The following UNC5C variants were observed in gnomAD, a reference collection of about 807,000 sequenced individuals.
UNC5C encodes unc-5 netrin receptor C.
A neutral mutation model predicts 99.8 loss-of-function variants in UNC5C; 47 were observed. That is an observed-to-expected ratio of 0.47 (90% CI 0.37 to 0.60). The LOEUF is 0.60. UNC5C is among the 20% of genes least tolerant of loss of function. The probability of loss-of-function intolerance (pLI) is 0.00; values close to 1 mark genes in which losing one functional copy is unlikely to be tolerated. For missense variants in UNC5C, 1,062 were observed against 1,165.9 expected (o/e 0.91, Z 1.30); for synonymous variants, 487 against 452.2 (o/e 1.08, Z -0.98).
At chr4:95,471,445 A>G (rs1347081653) in intron 1 of UNC5C, among the ~76,000 whole-genome samples, 1 of 152,132 alleles carries the variant, frequency 6.6e-6, no homozygotes, top group African/African-American at 2.4e-5. Context: ...ATCACAGCAG[A>G]GAAAATTAGC....
Position 95,165,918 on chromosome 4 carries a change from T to G in UNC5C, c.*3316A>C, listed in dbSNP as rs1735841302. On this transcript the variant is annotated 3_prime_UTR_variant, in exon 16 of 16. Transcript: ENST00000453304. Reference sequence around the variant, plus strand: ...TATGTTGTGTATGAATGAGTTGATGTACTGGGCTCACAGTGACCTAATATT... The same window carrying G: ...TATGTTGTGTATGAATGAGTTGATGGACTGGGCTCACAGTGACCTAATATT... 1 of 152,220 alleles carries G rather than the reference T, an allele frequency of 6.6e-6. No homozygotes were observed. Among genetic ancestry groups the G allele is most frequent in the South Asian group, 2.1e-4 (1 of 4,834 alleles). 9.4% of individuals were successfully genotyped at this position (152,220 alleles called of 1,614,324 possible). A position where few individuals can be genotyped will look rare whatever the true frequency, so the allele number is the denominator to read the frequency against.
At chr4:95,197,095 A>T (rs1737457784) in intron 12 of UNC5C, among the ~76,000 whole-genome samples, 2 of 128,600 alleles carry the variant, frequency 1.6e-5, no homozygotes, top group Non-Finnish European at 3.1e-5. Flanking sequence ...AATATATAAT[A>T]TTTATATATT....
At chr4:95,257,729 T>G (rs897711452) in intron 4 of UNC5C, among the ~76,000 whole-genome samples, 1 of 152,204 alleles carries the variant, frequency 6.6e-6, no homozygotes, top group Admixed American at 6.5e-5. Flanking sequence ...ATGAACAAAG[T>G]GAGTTTTTCT....
rs1309097297 is a variant in UNC5C, at chr4:95,168,934, T to A, written c.*300A>T. ...ATATCTGGATAGCAATAAAAAGCGT[T>A]TCCTAGGAAACTGTAAGATCCTGTA... is the stretch of plus-strand genomic sequence containing the variant. On this transcript the variant is annotated 3_prime_UTR_variant, in exon 16 of 16. Coordinates refer to ENST00000453304, the MANE Select transcript of UNC5C (RefSeq NM_003728.4). 1.1e-5 allele frequency: 3 copies of A among 272,874 alleles called. No individual in the cohort carries two copies. Among genetic ancestry groups the A allele is most frequent in the Non-Finnish European group, 2.1e-5 (3 of 144,306 alleles). The allele number at this position is 272,874 out of a possible 1,614,324, so 16.9% of individuals were successfully genotyped here. A position where few individuals can be genotyped will look rare whatever the true frequency, so the allele number is the denominator to read the frequency against.
chr4:95,235,724 C>A (rs1739085954), intron 7 of UNC5C, among the ~76,000 whole-genome samples: 1 of 152,160 alleles, frequency 6.6e-6, no homozygotes, highest in South Asian at 2.1e-4. Flanking sequence ...TTCCCAGCAC[C>A]ATTTGTTAAA....
At chr4:95,388,307 A>G (rs1288980122) in intron 1 of UNC5C, among the ~76,000 whole-genome samples, 2 of 152,240 alleles carry the variant, frequency 1.3e-5, no homozygotes, top group African/African-American at 4.8e-5. Flanking sequence ...CTGATCTATT[A>G]CTCATAGAAT....
chr4:95,284,314 T>C (rs1300686014), intron 3 of UNC5C, among the ~76,000 whole-genome samples: 1 of 152,202 alleles, frequency 6.6e-6, no homozygotes, highest in African/African-American at 2.4e-5. Context: ...AATTACTAGA[T>C]AATTCTGAAG....
chr4:95,266,700 T>C (rs1740460015), intron 4 of UNC5C, among the ~76,000 whole-genome samples: 1 of 152,210 alleles, frequency 6.6e-6, no homozygotes, highest in South Asian at 2.1e-4. Context: ...CCATAATTTC[T>C]TTTGAGTAGC....
At chr4:95,339,927 C>A (rs1465525793) in intron 1 of UNC5C, among the ~76,000 whole-genome samples, 1 of 152,100 alleles carries the variant, frequency 6.6e-6, no homozygotes, top group Non-Finnish European at 1.5e-5. Flanking sequence ...TTACCCTCCT[C>A]TGATATTTGA....
At position 95,548,745 on chromosome 4, in the gene UNC5C, G is replaced by A. The variant is rs774061111; in HGVS notation, c.113C>T (p.Ser38Phe). Residue 38 changes from serine to phenylalanine, a missense_variant, in exon 1 of 16, where the codon TCC becomes TTC. By Grantham distance (155) the Ser-to-Phe change is radical. Transcript: ENST00000453304. ...LALLSASGTG[S>F]AAQDDDFFHE... ...GCGGACCCCCTTACCTTGGGCGGCG[G>A]AGCCAGTGCCGCTGGCGCTGAGCAG... 1.2e-6 allele frequency: 2 copies of A among 1,612,732 alleles called. No homozygotes were observed. The highest frequency in any genetic ancestry group is 1.7e-5 in the Admixed American group (1 of 59,980).
chr4:95,333,271 C>G (rs982702051), intron 2 of UNC5C, among the ~76,000 whole-genome samples: 3 of 152,054 alleles, frequency 2.0e-5, no homozygotes, highest in Non-Finnish European at 4.4e-5. Flanking sequence ...CACATGCACA[C>G]GTATGTTTAT....
chr4:95,514,831 C>A (rs1215099149), intron 1 of UNC5C, among the ~76,000 whole-genome samples: 1 of 151,752 alleles, frequency 6.6e-6, no homozygotes, highest in Non-Finnish European at 1.5e-5. Context: ...TGCCACCATG[C>A]CTGGCTAATT....
intron 1 of UNC5C, among the ~76,000 whole-genome samples, chr4:95,533,072 T>C (rs1391356465): frequency 3.9e-5 from 6 of 152,090 alleles, no homozygotes; most frequent in Non-Finnish European, 2.9e-5. Context: ...TTTAAAAATA[T>C]TTAGGTAACA....
intron 12 of UNC5C, among the ~76,000 whole-genome samples, chr4:95,201,301 C>T (rs1354229679): frequency 1.3e-5 from 2 of 152,208 alleles, no homozygotes; most frequent in East Asian, 3.9e-4. Flanking sequence ...ATTGAGCGCT[C>T]GTCATGGGAT....
chr4:95,309,724 A>G (rs1442352245), intron 2 of UNC5C, among the ~76,000 whole-genome samples: 1 of 152,204 alleles, frequency 6.6e-6, no homozygotes, highest in Non-Finnish European at 1.5e-5. Context: ...TAAAACAATG[A>G]GATATCACCT....
intron 1 of UNC5C, among the ~76,000 whole-genome samples, chr4:95,466,284 T>C (rs1389347045): frequency 2.0e-5 from 3 of 152,132 alleles, no homozygotes; most frequent in African/African-American, 4.8e-5. Context: ...TTACCCAAAA[T>C]AGGCAAAAAT....
rs370498843 is a variant in UNC5C at position 95,210,141 on chromosome 4, G to T, written c.1734-3345C>A. 2.1e-3 allele frequency among the ~76,000 whole-genome samples: 325 copies of T among 152,166 alleles called. 3 individuals carry two copies. The highest frequency in any genetic ancestry group is 7.9e-3 in the South Asian group (38 of 4,818). ...CCTGTACTCTCCAAGTACACCCCTG[G>T]CATGCAATATTGATGGGCACCATTC... On this transcript the variant is annotated intron_variant, in intron 10 of 15. Coordinates refer to ENST00000453304, the MANE Select transcript of UNC5C (RefSeq NM_003728.4).
chr4:95,536,030 C>T (rs1452472202), intron 1 of UNC5C, among the ~76,000 whole-genome samples: 1 of 150,192 alleles, frequency 6.7e-6, no homozygotes, highest in Non-Finnish European at 1.5e-5. Context: ...AATCCATACT[C>T]TAATGTGTTG....
intron 2 of UNC5C, among the ~76,000 whole-genome samples, chr4:95,321,722 T>C (rs770463225): frequency 2.0e-5 from 3 of 152,232 alleles, no homozygotes; most frequent in Non-Finnish European, 4.4e-5. Flanking sequence ...TGCACAGATA[T>C]GGCCTAGAAT....
Sources: allele counts gnomAD v4.1 joint callset (sites outside exome capture counted in the v4.1 genomes callset), GRCh38; gene constraint gnomAD v4.1.1; transcripts MANE v1.5; gene names NCBI Gene and HGNC (gene_info 2026-07-23, HGNC 2026-07-21).